PCDHGA5: variants seen among roughly 807,000 people sequenced by gnomAD.
PCDHGA5 encodes protocadherin gamma-A5.
A neutral mutation model predicts 56.7 loss-of-function variants in PCDHGA5; 36 were observed. The observed-to-expected ratio is 0.64, with a 90% confidence interval of 0.49 to 0.84. The LOEUF (loss-of-function observed/expected upper bound fraction) is 0.84, where lower values mean the gene tolerates loss of function less well. Among genes scored for constraint, PCDHGA5 ranks in the 40% least tolerant of loss-of-function variants. The pLI is 0.00. For missense variants in PCDHGA5, 1,305 were observed against 1,201.5 expected (o/e 1.09, Z -1.27); for synonymous variants, 563 against 520.2 (o/e 1.08, Z -1.12).
chr5:141,399,460 G>A, intron 1 of PCDHGA5: 1 of 1,613,962 alleles, frequency 6.2e-7, no homozygotes, highest in Middle Eastern at 1.6e-4. Context: ...CAACGATAAC[G>A]CTCCGGTTTT....
rs2233602 is a variant in PCDHGA5, at chr5:141,490,032, C to T, written c.2422-4775C>T. 47,990 of 1,614,182 alleles carry T rather than the reference C, an allele frequency of 0.03. 1,413 individuals are homozygous for T. Among genetic ancestry groups the T allele is most frequent in the African/African-American group, 0.15 (11,444 of 75,040 alleles). On this transcript the variant is annotated intron_variant, in intron 1 of 3. Coordinates refer to ENST00000518069, the MANE Select transcript of PCDHGA5 (RefSeq NM_018918.3). The surrounding 1 kb of genome is among the most constrained non-coding windows in gnomAD (Gnocchi z 5.4). ...CCATTGGTACTCTGCTGCTCCGCCT[C>T]AATGCCACTGATCCAGACGAGGGCA...
intron 1 of PCDHGA5, chr5:141,376,383 A>G: frequency 5.0e-6 from 8 of 1,614,228 alleles, no homozygotes; most frequent in Non-Finnish European, 6.8e-6. Flanking sequence ...CGTAAGAGTC[A>G]TCTGATTTTC....
In PCDHGA5 at chr5:141,485,275, G is replaced by C. The variant is rs77402299; in HGVS notation, c.2422-9532G>C. ...ACGTTTGTGGGCAGATCCGCTACCC[G>C]GTCCCAGAGGAGTCACAGGAAGGGA... On this transcript the variant is annotated intron_variant, in intron 1 of 3. Transcript: ENST00000518069. The surrounding 1 kb of genome is among the most constrained non-coding windows in gnomAD (Gnocchi z 5.7). The C allele has an allele frequency of 2.5e-6, 4 of 1,614,072 alleles. No individual in the cohort carries two copies. Among genetic ancestry groups the C allele is most frequent in the Admixed American group, 1.7e-5 (1 of 60,024 alleles).
intron 1 of PCDHGA5, chr5:141,372,944 T>C: frequency 5.1e-6 from 4 of 788,876 alleles, no homozygotes; most frequent in Non-Finnish European, 7.7e-6. Context: ...GTAGGGTGTC[T>C]AGGAAATTCT....
At chr5:141,373,548 A>G (rs546721232) in intron 1 of PCDHGA5, among the ~76,000 whole-genome samples, 5 of 152,332 alleles carry the variant, frequency 3.3e-5, no homozygotes, top group African/African-American at 9.6e-5. Context: ...GGTTGTTGGT[A>G]CCCTTACTGA....
At chr5:141,496,698 C>T (rs2099770595) in intron 2 of PCDHGA5, among the ~76,000 whole-genome samples, 1 of 152,196 alleles carries the variant, frequency 6.6e-6, no homozygotes, top group Non-Finnish European at 1.5e-5. Context: ...CCAACCTTCT[C>T]ATAAGTTATC....
intron 1 of PCDHGA5, among the ~76,000 whole-genome samples, chr5:141,462,361 T>C (rs1354253099): frequency 6.6e-6 from 1 of 152,282 alleles, no homozygotes; most frequent in Non-Finnish European, 1.5e-5. Flanking sequence ...ATACATTGTA[T>C]AGTTTCTATT....
intron 1 of PCDHGA5, among the ~76,000 whole-genome samples, chr5:141,425,111 A>G (rs2096857405): frequency 6.6e-6 from 1 of 152,144 alleles, no homozygotes; most frequent in Admixed American, 6.5e-5. Context: ...AGATGCCTAC[A>G]TTTTTCTTGA....
At chr5:141,413,054 A>T in intron 1 of PCDHGA5, 1 of 981,732 alleles carries the variant, frequency 1.0e-6, no homozygotes, top group Non-Finnish European at 1.5e-6. Context: ...AGGGAAGCTC[A>T]CTCCAGAATT....
chr5:141,428,073 G>A (rs2097106496), intron 1 of PCDHGA5: 1 of 1,609,082 alleles, frequency 6.2e-7, no homozygotes, highest in Admixed American at 1.7e-5. Flanking sequence ...CGCAGATTCG[G>A]GACACAACGC....
chr5:141,438,545 A>C (rs915206342), intron 1 of PCDHGA5, among the ~76,000 whole-genome samples: 4 of 140,354 alleles, frequency 2.8e-5, no homozygotes, highest in Admixed American at 7.4e-5. Flanking sequence ...TCTATATCTA[A>C]GCCCTAATAA....
intron 1 of PCDHGA5, among the ~76,000 whole-genome samples, chr5:141,475,567 A>G (rs1260546062): frequency 6.6e-6 from 1 of 152,244 alleles, no homozygotes; most frequent in African/African-American, 2.4e-5. Flanking sequence ...CTGTCTTCCA[A>G]CAAGCCAGAT....
At position 141,384,871 on chromosome 5, in the gene PCDHGA5, G is replaced by A. The variant is rs769607351; in HGVS notation, c.2421+18120G>A. On this transcript the variant is annotated intron_variant, in intron 1 of 3. Coordinates refer to ENST00000518069, the MANE Select transcript of PCDHGA5 (RefSeq NM_018918.3). ...CGGTCAGCCTCCTCTGTCAGCCACC[G>A]TCACACTCACCGTGGCTGTGGCTGA... is the stretch of plus-strand genomic sequence containing the variant. 9 of 1,613,648 alleles carry A rather than the reference G, an allele frequency of 5.6e-6. No individual in the cohort carries two copies. Among genetic ancestry groups the A allele is most frequent in the South Asian group, 1.1e-5 (1 of 91,092 alleles).
At chr5:141,375,596 G>C (rs574950493) in intron 1 of PCDHGA5, 86 of 1,614,108 alleles carry the variant, frequency 5.3e-5, no homozygotes, top group Non-Finnish European at 6.9e-5. Context: ...GTCCTCCTAC[G>C]TGTCCATCAA....
chr5:141,370,155 T>C, intron 1 of PCDHGA5: 1 of 456,622 alleles, frequency 2.2e-6, no homozygotes, highest in Non-Finnish European at 3.8e-6. Flanking sequence ...TTACTGCAGT[T>C]CTGCAGCAGA....
At chr5:141,371,162 C>A (rs1767541774) in intron 1 of PCDHGA5, 3 of 1,613,860 alleles carry the variant, frequency 1.9e-6, no homozygotes, top group African/African-American at 2.7e-5. Flanking sequence ...AGAACCTGCC[C>A]GCTGGCTCCT....
In PCDHGA5 at chr5:141,364,809, C is replaced by G; in HGVS notation, c.479C>G (p.Ala160Gly). The change falls in exon 1 of 4, where the codon GCG becomes GGG. Residue 160 changes from alanine to glycine, a missense_variant. Physicochemically the swap from Ala to Gly is moderately conservative, Grantham distance 60. Transcript: ENST00000518069. ...TTAGTGCTTCCCTTCGCGCGGGATG[C>G]GGATGTGGGTGTGAACTCTCTCCGG... ...TRLVLPFARD[A>G]DVGVNSLRSY... 1.4e-5 allele frequency: 23 copies of G among 1,613,952 alleles called. No homozygotes were observed. Among genetic ancestry groups the G allele is most frequent in the Non-Finnish European group, 1.9e-5 (23 of 1,179,890 alleles).
chr5:141,409,833 C>G (rs973436075), intron 1 of PCDHGA5: 2 of 1,611,368 alleles, frequency 1.2e-6, no homozygotes, highest in Non-Finnish European at 1.7e-6. Context: ...ACGCTCAGCG[C>G]CAACGTGAGC....
At chr5:141,417,503 TAA>T in intron 1 of PCDHGA5, 1 of 229,962 alleles carries the variant, frequency 4.3e-6, no homozygotes, top group East Asian at 9.7e-5. Flanking sequence ...GGAAAAAGAT[TAA>T]AATATTTTGG....
Sources: allele counts gnomAD v4.1 joint callset (sites outside exome capture counted in the v4.1 genomes callset), GRCh38; gene constraint gnomAD v4.1.1; non-coding constraint Gnocchi (gnomAD v3.1); transcripts MANE v1.5; gene names NCBI Gene and HGNC (gene_info 2026-07-23, HGNC 2026-07-21).